KHDRBS2: variants seen among roughly 807,000 people sequenced by gnomAD.
KHDRBS2 encodes the protein KH domain-containing, RNA-binding, signal transduction-associated protein 2.
A neutral mutation model predicts 44.3 loss-of-function variants in KHDRBS2; 26 were observed. That is an observed-to-expected ratio of 0.59 (90% CI 0.43 to 0.81). The LOEUF (loss-of-function observed/expected upper bound fraction) is 0.81. Ranked by LOEUF, KHDRBS2 falls within the 40% of genes least tolerant of loss-of-function variation. The pLI is 0.00. For missense variants in KHDRBS2, 476 were observed against 433.1 expected, an observed-to-expected ratio of 1.10 and a Z score of -0.88; for synonymous variants, 194 against 151.1, an observed-to-expected ratio of 1.28 and a Z score of -2.08.
At chr6:62,005,074 G>C (rs1386703588) in intron 3 of KHDRBS2, among the ~76,000 whole-genome samples, 3 of 151,954 alleles carry the variant, frequency 2.0e-5, no homozygotes, top group Admixed American at 1.3e-4. Context: ...TTCATTTTTA[G>C]AGTTCATTTA....
chr6:61,777,528 G>T (rs1167165502), intron 6 of KHDRBS2, among the ~76,000 whole-genome samples: 3 of 151,866 alleles, frequency 2.0e-5, no homozygotes, highest in African/African-American at 7.3e-5. Flanking sequence ...CAAAACTTCT[G>T]GAAAAAAATT....
chr6:62,079,586 G>A (rs1374023468), intron 2 of KHDRBS2, among the ~76,000 whole-genome samples: 1 of 151,970 alleles, frequency 6.6e-6, no homozygotes, highest in Non-Finnish European at 1.5e-5. Context: ...CAACAAAAAG[G>A]AATTTCACTG....
At chr6:61,584,996 T>C in the KHDRBS2 span, among the ~76,000 whole-genome samples, 2 of 151,966 alleles carry the variant, frequency 1.3e-5, no homozygotes, top group African/African-American at 2.4e-5. Flanking sequence ...TATACCAAAA[T>C]TGTAAATTTT....
At chr6:61,773,832 G>A (rs1483960043) in intron 6 of KHDRBS2, among the ~76,000 whole-genome samples, 1 of 150,076 alleles carries the variant, frequency 6.7e-6, no homozygotes, top group Non-Finnish European at 1.5e-5. Context: ...AAGGTGTAAG[G>A]AAGGGATCCA....
At chr6:61,819,530 G>A (rs937356439) in intron 6 of KHDRBS2, among the ~76,000 whole-genome samples, 8 of 151,592 alleles carry the variant, frequency 5.3e-5, no homozygotes, top group Non-Finnish European at 7.4e-5. Context: ...TTGTGTTTTC[G>A]GCATTTTGTT....
intron 6 of KHDRBS2, among the ~76,000 whole-genome samples, chr6:61,799,047 T>A (rs533639066): frequency 2.6e-5 from 4 of 152,032 alleles, no homozygotes; most frequent in Non-Finnish European, 5.9e-5. Flanking sequence ...ACTTGAAGCA[T>A]CTTCCATAAG....
At chr6:62,087,892 T>A (rs1015343163) in intron 2 of KHDRBS2, among the ~76,000 whole-genome samples, 1 of 152,218 alleles carries the variant, frequency 6.6e-6, no homozygotes, top group African/African-American at 2.4e-5. Context: ...TGTTCATTCC[T>A]TTTCATTCTT....
intron 8 of KHDRBS2, among the ~76,000 whole-genome samples, chr6:61,694,323 T>G (rs1383134159): frequency 1.3e-5 from 2 of 152,180 alleles, no homozygotes; most frequent in Non-Finnish European, 2.9e-5. Flanking sequence ...TTACTTAAAA[T>G]GGTTTAAAAT....
the KHDRBS2 span, among the ~76,000 whole-genome samples, chr6:61,592,983 T>G: frequency 1.3e-5 from 2 of 152,262 alleles, no homozygotes; most frequent in Non-Finnish European, 2.9e-5. Context: ...ATATATGATT[T>G]ATGCAAACAG....
At chr6:61,548,571 T>C in the KHDRBS2 span, among the ~76,000 whole-genome samples, 9 of 152,218 alleles carry the variant, frequency 5.9e-5, no homozygotes, top group East Asian at 5.8e-4. Flanking sequence ...ATCCAGAAGA[T>C]AGTCAAATTT....
At chr6:61,577,943 A>G in the KHDRBS2 span, among the ~76,000 whole-genome samples, 2 of 152,190 alleles carry the variant, frequency 1.3e-5, no homozygotes, top group Non-Finnish European at 2.9e-5. Context: ...CAAAATTAAT[A>G]TCATCAAACA....
the KHDRBS2 span, among the ~76,000 whole-genome samples, chr6:61,560,639 C>T: frequency 6.6e-6 from 1 of 152,074 alleles, no homozygotes; most frequent in African/African-American, 2.4e-5. Context: ...TTTTTCAGAT[C>T]AAGAAATTCT....
chr6:62,196,388 T>C (rs1222077454), intron 1 of KHDRBS2, among the ~76,000 whole-genome samples: 1 of 152,136 alleles, frequency 6.6e-6, no homozygotes, highest in Non-Finnish European at 1.5e-5. Context: ...AGAATTTAGA[T>C]TTCTAGAACT....
chr6:61,779,042 G>T (rs1329069116), intron 6 of KHDRBS2, among the ~76,000 whole-genome samples: 1 of 152,084 alleles, frequency 6.6e-6, no homozygotes, highest in Non-Finnish European at 1.5e-5. Context: ...TTTAAGGAAA[G>T]AACTGGGGGC....
At chr6:61,776,145 A>C (rs1455979609) in intron 6 of KHDRBS2, among the ~76,000 whole-genome samples, 1 of 152,016 alleles carries the variant, frequency 6.6e-6, no homozygotes, top group Non-Finnish European at 1.5e-5. Flanking sequence ...TTAATTCAAG[A>C]TGGATCAAAG....
At chr6:62,122,127 G>A (rs1190847950) in intron 2 of KHDRBS2, among the ~76,000 whole-genome samples, 1 of 152,172 alleles carries the variant, frequency 6.6e-6, no homozygotes, top group Non-Finnish European at 1.5e-5. Flanking sequence ...AGACTGCTGT[G>A]CAAGCTGCTC....
intron 2 of KHDRBS2, among the ~76,000 whole-genome samples, chr6:62,147,380 A>G (rs1468389266): frequency 6.6e-6 from 1 of 151,934 alleles, no homozygotes; most frequent in Non-Finnish European, 1.5e-5. Flanking sequence ...CTCCAATTTT[A>G]TAAATTACAT....
intron 4 of KHDRBS2, among the ~76,000 whole-genome samples, chr6:61,938,830 T>A (rs1312881336): frequency 6.6e-6 from 1 of 152,100 alleles, no homozygotes; most frequent in Non-Finnish European, 1.5e-5. Context: ...AAATTGTTGA[T>A]CTCGTGGTTC....
chr6:61,797,335 T>G (rs957844591), intron 6 of KHDRBS2, among the ~76,000 whole-genome samples: 7 of 152,088 alleles, frequency 4.6e-5, no homozygotes, highest in Admixed American at 3.9e-4. Context: ...CAATTAATTT[T>G]CATCACAAGC....
Sources: allele counts gnomAD v4.1 joint callset (sites outside exome capture counted in the v4.1 genomes callset), GRCh38; gene constraint gnomAD v4.1.1; transcripts MANE v1.5; gene names NCBI Gene and HGNC (gene_info 2026-07-23, HGNC 2026-07-21).